MYT1L: variants seen among roughly 807,000 people sequenced by gnomAD.
MYT1L encodes myelin transcription factor 1 like.
In MYT1L, 12 loss-of-function variants were observed where a neutral mutation model predicts 126.7. The ratio of observed to expected loss-of-function variants is 0.09; its 90% confidence interval spans 0.06 to 0.15. MYT1L has a LOEUF of 0.15. Among genes scored for constraint, MYT1L ranks in the 10% least tolerant of loss-of-function variants. The pLI, the probability that MYT1L is intolerant of heterozygous loss-of-function variation, is 1.00. For missense variants in MYT1L, 979 were observed against 1,585.2 expected (o/e 0.62, Z 6.49); for synonymous variants, 541 against 604.2 (o/e 0.90, Z 1.53).
intron 4 of MYT1L, among the ~76,000 whole-genome samples, chr2:2,033,441 A>G (rs2066625961): frequency 6.6e-6 from 1 of 151,120 alleles, no homozygotes; most frequent in Non-Finnish European, 1.5e-5. Context: ...GGAGGGCCTT[A>G]TACACACCGC....
In MYT1L at chr2:1,995,934, A is replaced by G. The variant is rs531470006; in HGVS notation, c.-1+1257T>C. On this transcript the variant is annotated intron_variant, in intron 5 of 24. Transcript: ENST00000647738. ...GCTGCCCTCTGTTTCTTAGAATCCA[A>G]GATGGGGTCAATCCAGCCATCAGAA... Among the ~76,000 whole-genome samples the G allele has an allele frequency of 1.6e-4, 24 of 152,316 alleles. 1 individual carries two copies. The highest frequency in any genetic ancestry group is 5.9e-4 in the Admixed American group (9 of 15,300).
rs1345643432 is a variant in MYT1L at position 2,318,615 on chromosome 2, A to G, written c.-521+12352T>C. ...CTCCATTCTTGTTCTCAGGACTGTG[A>G]AAAGAATTGCAAAACATCTTGGAAG... On this transcript the variant is annotated intron_variant, in intron 1 of 24. Transcript: ENST00000647738. Among the ~76,000 whole-genome samples, 4 of 152,356 alleles carry G rather than the reference A, an allele frequency of 2.6e-5. No homozygotes were observed. The East Asian group carries it at 7.7e-4, about 29-fold the overall frequency.
intron 3 of MYT1L, among the ~76,000 whole-genome samples, chr2:2,156,773 G>A (rs1259937568): frequency 6.6e-6 from 1 of 152,140 alleles, no homozygotes; most frequent in Non-Finnish European, 1.5e-5. Context: ...ATCACAAGAG[G>A]GTCCCTCCCA....
At chr2:1,999,607 C>T (rs147959941) in intron 4 of MYT1L, among the ~76,000 whole-genome samples, 194 of 151,844 alleles carry the variant, frequency 1.3e-3, no homozygotes, top group East Asian at 5.8e-4. Flanking sequence ...TTTACCACCC[C>T]AAAGGTCAAT....
intron 3 of MYT1L, among the ~76,000 whole-genome samples, chr2:2,063,133 T>A (rs528616807): frequency 1.0e-3 from 157 of 152,342 alleles, no homozygotes; most frequent in Admixed American, 1.7e-3. Context: ...AACACTCATC[T>A]TTAAATTTCT....
At chr2:1,921,190 T>C (rs2053531870) in intron 10 of MYT1L, among the ~76,000 whole-genome samples, 1 of 152,226 alleles carries the variant, frequency 6.6e-6, no homozygotes, top group Non-Finnish European at 1.5e-5. Context: ...GAATAGAATG[T>C]AATAAAAAAC....
At chr2:2,137,499 T>C (rs1252162240) in intron 3 of MYT1L, among the ~76,000 whole-genome samples, 2 of 152,032 alleles carry the variant, frequency 1.3e-5, no homozygotes, top group Admixed American at 6.6e-5. Context: ...GAGATATAGA[T>C]CAATGGAACA....
chr2:1,918,549 G>A (rs2053158826), intron 10 of MYT1L, among the ~76,000 whole-genome samples: 1 of 152,150 alleles, frequency 6.6e-6, no homozygotes, highest in Admixed American at 6.5e-5. Flanking sequence ...AGAATTTTTT[G>A]AACTTTTACG....
chr2:1,985,242 A>G (rs1365578034), intron 5 of MYT1L, among the ~76,000 whole-genome samples: 1 of 152,206 alleles, frequency 6.6e-6, no homozygotes, highest in Non-Finnish European at 1.5e-5. Flanking sequence ...AGCAGCATCA[A>G]GAAGAGGAGA....
chr2:1,878,294 C>T (rs2047164833), intron 18 of MYT1L, among the ~76,000 whole-genome samples: 1 of 152,130 alleles, frequency 6.6e-6, no homozygotes, highest in Non-Finnish European at 1.5e-5. Context: ...AATCTGTCTA[C>T]AAACTGCATT....
intron 9 of MYT1L, among the ~76,000 whole-genome samples, chr2:1,935,929 G>A (rs2055818336): frequency 2.0e-5 from 3 of 151,800 alleles, no homozygotes; most frequent in Admixed American, 2.0e-4. Context: ...TCTTTTTTTT[G>A]TTTTTCAAGA....
chr2:2,057,771 A>C (rs956735584), intron 3 of MYT1L, among the ~76,000 whole-genome samples: 3 of 152,182 alleles, frequency 2.0e-5, no homozygotes, highest in Non-Finnish European at 4.4e-5. Context: ...GGGTTGTATC[A>C]ATAGTTTATT....
intron 1 of MYT1L, chr2:2,324,627 T>G (rs1286657836): frequency 1.3e-5 from 2 of 152,606 alleles, no homozygotes; most frequent in African/African-American, 4.8e-5. Context: ...GCCGGGCGGG[T>G]GAAGTGCAGC....
At position 1,887,719 on chromosome 2, in the gene MYT1L, C is replaced by T. The variant is rs921632491; in HGVS notation, c.2521-110G>A. ...CCTCTACATCTTACACCTCTTTCTG[C>T]TGTACCTTTAAGATCCTTTTGGTCC... is the stretch of plus-strand genomic sequence containing the variant. On this transcript the variant is annotated intron_variant, in intron 16 of 24. Transcript: ENST00000647738. The surrounding 1 kb of genome is among the most constrained non-coding windows in gnomAD (Gnocchi z 4.8). The T allele has an allele frequency of 1.5e-6, 2 of 1,304,776 alleles. No individual in the cohort carries two copies. The highest frequency in any genetic ancestry group is 1.5e-5 in the African/African-American group (1 of 67,828). 80.8% of individuals were successfully genotyped at this position (1,304,776 alleles called of 1,614,324 possible).
At chr2:1,972,988 T>C (rs1015532537) in intron 8 of MYT1L, among the ~76,000 whole-genome samples, 24 of 152,334 alleles carry the variant, frequency 1.6e-4, no homozygotes, top group African/African-American at 4.8e-4. Flanking sequence ...TGATGCTAAA[T>C]TGCAGGGTTG....
At chr2:2,067,526 T>C (rs2074028895) in intron 3 of MYT1L, among the ~76,000 whole-genome samples, 1 of 152,142 alleles carries the variant, frequency 6.6e-6, no homozygotes, top group Admixed American at 6.5e-5. Context: ...AGGAGCTTGA[T>C]ACCAACCTGG....
chr2:2,289,018 T>G (rs2095560990), intron 1 of MYT1L, among the ~76,000 whole-genome samples: 1 of 152,234 alleles, frequency 6.6e-6, no homozygotes, highest in East Asian at 1.9e-4. Context: ...TTAAGTAGCT[T>G]TCCTGCAGGC....
chr2:1,892,448 A>C (rs1416621637), intron 14 of MYT1L, among the ~76,000 whole-genome samples, 161 bp from the exon 15 acceptor site: 1 of 152,054 alleles, frequency 6.6e-6, no homozygotes, highest in Non-Finnish European at 1.5e-5. Flanking sequence ...ACAACAGGCA[A>C]ACGAAAACAA....
chr2:1,802,570 G>A (rs1008383594), intron 22 of MYT1L, among the ~76,000 whole-genome samples: 1 of 152,238 alleles, frequency 6.6e-6, no homozygotes. Context: ...CCATCTGAGT[G>A]TCCCTGGTGG....
Sources: allele counts gnomAD v4.1 joint callset (sites outside exome capture counted in the v4.1 genomes callset), GRCh38; gene constraint gnomAD v4.1.1; non-coding constraint Gnocchi (gnomAD v3.1); transcripts MANE v1.5; gene names NCBI Gene and HGNC (gene_info 2026-07-23, HGNC 2026-07-21).